Variants in CELF4 observed in about 807,000 individuals in gnomAD.
CELF4 encodes the protein CUGBP Elav-like family member 4.
CELF4 carries 18 observed loss-of-function variants against 59.9 expected under a neutral mutation model. That is an observed-to-expected ratio of 0.30 (90% CI 0.21 to 0.45). The LOEUF (loss-of-function observed/expected upper bound fraction) is 0.45. Among genes scored for constraint, CELF4 ranks in the 20% least tolerant of loss-of-function variants. CELF4 has a pLI of 1.00. For synonymous variants in CELF4, 261 were observed against 267.1 expected (o/e 0.98, Z 0.22); for missense variants, 456 against 689.0 (o/e 0.66, Z 3.79).
intron 1 of CELF4, among the ~76,000 whole-genome samples, chr18:37,501,824 G>C (rs996006132): frequency 6.6e-6 from 1 of 152,230 alleles, no homozygotes; most frequent in African/African-American, 2.4e-5. Flanking sequence ...GTGCTCTGTA[G>C]AAATGCACTC....
At chr18:37,310,632 T>G (rs550427187) in intron 3 of CELF4, among the ~76,000 whole-genome samples, 1 of 152,274 alleles carries the variant, frequency 6.6e-6, no homozygotes, top group African/African-American at 2.4e-5. Flanking sequence ...TGCCGTCTCA[T>G]CCCTCTTCCT....
intron 2 of CELF4, among the ~76,000 whole-genome samples, chr18:37,336,210 G>T (rs1312353069): frequency 1.3e-5 from 2 of 152,216 alleles, no homozygotes; most frequent in Non-Finnish European, 2.9e-5. Flanking sequence ...TGTGGTGGCT[G>T]CCAGTCTCCT....
intron 1 of CELF4, among the ~76,000 whole-genome samples, chr18:37,516,473 G>A (rs1000809781): frequency 5.3e-5 from 8 of 152,156 alleles, no homozygotes; most frequent in Admixed American, 1.3e-4. Context: ...CAGAGCCCTC[G>A]CCCCGGCCAC....
At chr18:37,264,533 C>T in intron 10 of CELF4, 141 bp downstream of exon 10, 1 of 687,378 alleles carries the variant, frequency 1.5e-6, no homozygotes, top group Non-Finnish European at 2.5e-6. Context: ...CACAGCACTG[C>T]TGTCTTCCCT....
intron 2 of CELF4, among the ~76,000 whole-genome samples, chr18:37,484,952 C>T (rs978178686): frequency 6.6e-6 from 1 of 152,112 alleles, no homozygotes; most frequent in Non-Finnish European, 1.5e-5. Flanking sequence ...ACCCTTGACC[C>T]GAAGAATACT....
At chr18:37,404,603 C>T in intron 2 of CELF4, among the ~76,000 whole-genome samples, 1 of 152,160 alleles carries the variant, frequency 6.6e-6, no homozygotes, top group Admixed American at 6.5e-5. Flanking sequence ...TCCAGCCAGG[C>T]CCACCTGGCT....
chr18:37,374,058 G>A (rs2009759), intron 2 of CELF4, among the ~76,000 whole-genome samples: 29,891 of 152,136 alleles, frequency 0.2, 3,065 homozygotes, highest in East Asian at 0.32. Flanking sequence ...GCATTTTACC[G>A]AAATCCACAG....
chr18:37,359,894 G>T (rs2098674077), intron 2 of CELF4, among the ~76,000 whole-genome samples: 1 of 148,984 alleles, frequency 6.7e-6, no homozygotes, highest in African/African-American at 2.5e-5. Context: ...CTGTTGCCCA[G>T]GCTGGAGTGC....
intron 2 of CELF4, among the ~76,000 whole-genome samples, chr18:37,460,698 A>G (rs2154602134): frequency 6.6e-6 from 1 of 152,336 alleles, no homozygotes; most frequent in Non-Finnish European, 1.5e-5. Flanking sequence ...CACACACACA[A>G]ATTAGGCTGC....
intron 3 of CELF4, among the ~76,000 whole-genome samples, chr18:37,283,939 G>A (rs372118143): frequency 0.029 from 6 of 206 alleles, no homozygotes; most frequent in South Asian, 0.1. Flanking sequence ...ACCAATACAT[G>A]CACCACGCAT....
chr18:37,483,389 G>T (rs187389668), intron 2 of CELF4, among the ~76,000 whole-genome samples: 354 of 152,254 alleles, frequency 2.3e-3, no homozygotes, highest in African/African-American at 7.8e-3. Context: ...CCTGCCCCGA[G>T]AATTGTTTGA....
chr18:37,541,083 T>A (rs2099977450), intron 1 of CELF4, among the ~76,000 whole-genome samples: 1 of 152,084 alleles, frequency 6.6e-6, no homozygotes, highest in Non-Finnish European at 1.5e-5. Context: ...ATCTAGGAAG[T>A]CTTGTTTAAT....
intron 2 of CELF4, 81 bp downstream of exon 2, chr18:37,485,444 C>T: frequency 1.2e-6 from 1 of 852,754 alleles, no homozygotes; most frequent in Non-Finnish European, 1.5e-6. Context: ...CCTCTCCCCG[C>T]GCGCCGCGCC....
At chr18:37,273,344 C>G in intron 6 of CELF4, 181 bp from the exon 7 acceptor site, 1 of 1,391,248 alleles carries the variant, frequency 7.2e-7, no homozygotes, top group Non-Finnish European at 9.4e-7. Flanking sequence ...CTATTAGAGT[C>G]CACCACCCTG....
At chr18:37,455,124 G>A (rs77939660) in intron 2 of CELF4, among the ~76,000 whole-genome samples, 5 of 152,326 alleles carry the variant, frequency 3.3e-5, no homozygotes, top group African/African-American at 1.2e-4. Flanking sequence ...TTTTGGATAC[G>A]AGAGCCTTTT....
chr18:37,361,824 C>T (rs1021931691), intron 2 of CELF4, among the ~76,000 whole-genome samples: 1 of 150,262 alleles, frequency 6.7e-6, no homozygotes, highest in Non-Finnish European at 1.5e-5. Flanking sequence ...CCATTAGAGC[C>T]ATTCTAGTGG....
At chr18:37,550,762 G>T (rs1413398984) in intron 1 of CELF4, among the ~76,000 whole-genome samples, 1 of 152,226 alleles carries the variant, frequency 6.6e-6, no homozygotes, top group Non-Finnish European at 1.5e-5. Context: ...GTAGACAGAG[G>T]TGTCCCTGCC....
At chr18:37,460,350 G>A (rs997498938) in intron 2 of CELF4, among the ~76,000 whole-genome samples, 1 of 152,162 alleles carries the variant, frequency 6.6e-6, no homozygotes, top group African/African-American at 2.4e-5. Flanking sequence ...TGCTGAGCGA[G>A]GGGTTCCTGA....
At chr18:37,499,533 G>C (rs2099929080) in intron 1 of CELF4, among the ~76,000 whole-genome samples, 1 of 152,202 alleles carries the variant, frequency 6.6e-6, no homozygotes, top group Admixed American at 6.5e-5. Flanking sequence ...TCCCTCATGG[G>C]AAGGGAAGGA....
Sources: allele counts gnomAD v4.1 joint callset (sites outside exome capture counted in the v4.1 genomes callset), GRCh38; gene constraint gnomAD v4.1.1; transcripts MANE v1.5; gene names NCBI Gene and HGNC (gene_info 2026-07-23, HGNC 2026-07-21).